The following PRKCE variants were observed in gnomAD, a reference collection of about 807,000 sequenced individuals.
PRKCE encodes the protein protein kinase C epsilon, also known as protein kinase C epsilon type.
In PRKCE, 16 loss-of-function variants were observed where a neutral mutation model predicts 85.4. The observed-to-expected ratio is 0.19, with a 90% CI of 0.13 to 0.28. PRKCE has a LOEUF of 0.28. Ranked by LOEUF, PRKCE falls within the 10% of genes least tolerant of loss-of-function variation. The pLI, the probability that PRKCE is intolerant of heterozygous loss-of-function variation, is 1.00. For missense variants in PRKCE, 573 were observed against 975.2 expected, an observed-to-expected ratio of 0.59 and a Z score of 5.49; for synonymous variants, 388 against 371.5, an observed-to-expected ratio of 1.04 and a Z score of -0.51.
chr2:45,660,770 T>C (rs1270489516), intron 1 of PRKCE, among the ~76,000 whole-genome samples: 1 of 152,202 alleles, frequency 6.6e-6, no homozygotes, highest in Non-Finnish European at 1.5e-5. Flanking sequence ...GTAATTACAA[T>C]CTATTATAAT....
chr2:46,015,405 C>T (rs1706039681), intron 10 of PRKCE, among the ~76,000 whole-genome samples: 3 of 152,030 alleles, frequency 2.0e-5, no homozygotes, highest in South Asian at 2.1e-4. Flanking sequence ...TCTACCCATC[C>T]CCCACCCTTT....
At chr2:45,781,711 C>G (rs1686205504) in intron 1 of PRKCE, among the ~76,000 whole-genome samples, 2 of 152,130 alleles carry the variant, frequency 1.3e-5, no homozygotes, top group Non-Finnish European at 2.9e-5. Flanking sequence ...GTGGTCTGAT[C>G]TCTGTGAAAT....
rs28537287 is a variant in PRKCE, at chr2:45,661,531, T to G, written c.348+9083T>G. 1.8e-3 allele frequency among the ~76,000 whole-genome samples: 177 copies of G among 97,812 alleles called. 1 individual carries two copies. Among genetic ancestry groups the G allele is most frequent in the African/African-American group, 9.1e-3 (164 of 18,032 alleles). The allele number at this position is 97,812 out of a possible 152,430, so 64.2% of individuals were successfully genotyped here. A position where few individuals can be genotyped will look rare whatever the true frequency, so the allele number is the denominator to read the frequency against. On this transcript the variant is annotated intron_variant, in intron 1 of 14. Coordinates refer to ENST00000306156, the MANE Select transcript of PRKCE (RefSeq NM_005400.3). ...GTTTTGTTTTGTTTTTTGTTTTTTG[T>G]TTTTTTTTTTTTTTTTAGAAGGAGT...
intron 6 of PRKCE, among the ~76,000 whole-genome samples, chr2:45,986,819 C>G (rs1383285739): frequency 6.6e-6 from 1 of 152,028 alleles, no homozygotes; most frequent in Non-Finnish European, 1.5e-5. Context: ...ATTCCACTTC[C>G]CCGTTGGAGT....
intron 10 of PRKCE, among the ~76,000 whole-genome samples, chr2:46,015,785 C>G (rs982939042): frequency 2.0e-5 from 3 of 151,046 alleles, no homozygotes; most frequent in Non-Finnish European, 4.4e-5. Context: ...TCTAAACGAG[C>G]TGACAGAGCC....
In PRKCE at chr2:46,177,792, A is replaced by C. The variant is rs572376568; in HGVS notation, c.2068-6943A>C. Among the ~76,000 whole-genome samples the C allele has an allele frequency of 8.5e-5, 13 of 152,344 alleles. No homozygotes were observed. The South Asian group carries it at 1.5e-3, about 17-fold the overall frequency. ...GATTGATACAACTAAGATAGTGTCAATGTTTTCTCATAGCTACTTAAGAAA... is the reference window on the plus strand; with the variant it reads ...GATTGATACAACTAAGATAGTGTCACTGTTTTCTCATAGCTACTTAAGAAA... On this transcript the variant is annotated intron_variant, in intron 14 of 14. Transcript: ENST00000306156.
At chr2:45,775,664 A>G (rs1685691193) in intron 1 of PRKCE, among the ~76,000 whole-genome samples, 1 of 152,132 alleles carries the variant, frequency 6.6e-6, no homozygotes, top group Non-Finnish European at 1.5e-5. Flanking sequence ...CTACCAGGGA[A>G]CTTGCAGTCA....
intron 1 of PRKCE, among the ~76,000 whole-genome samples, chr2:45,701,108 G>C (rs1186548014): frequency 6.6e-6 from 1 of 152,176 alleles, no homozygotes; most frequent in Non-Finnish European, 1.5e-5. Context: ...GACAGTAGAG[G>C]AAGGAAGGAC....
At chr2:45,758,993 A>G (rs1430754353) in intron 1 of PRKCE, among the ~76,000 whole-genome samples, 1 of 152,148 alleles carries the variant, frequency 6.6e-6, no homozygotes, top group Non-Finnish European at 1.5e-5. Context: ...ATCAGCACTC[A>G]TGAGATAGCA....
At chr2:46,111,928 C>T (rs1032648587) in intron 11 of PRKCE, among the ~76,000 whole-genome samples, 8 of 152,148 alleles carry the variant, frequency 5.3e-5, no homozygotes, top group Non-Finnish European at 1.2e-4. Flanking sequence ...TTCCCACCAG[C>T]AATGTATGAA....
intron 11 of PRKCE, among the ~76,000 whole-genome samples, chr2:46,088,921 T>A (rs1669898792): frequency 6.6e-6 from 1 of 152,194 alleles, no homozygotes; most frequent in Admixed American, 6.5e-5. Flanking sequence ...CTGCACACCA[T>A]GACACTTGGT....
At chr2:45,689,932 C>T (rs769781526) in intron 1 of PRKCE, among the ~76,000 whole-genome samples, 1 of 151,968 alleles carries the variant, frequency 6.6e-6, no homozygotes, top group African/African-American at 2.4e-5. Flanking sequence ...GCTTGTCTTC[C>T]CCTTATCACA....
chr2:45,673,376 T>A (rs974718925), intron 1 of PRKCE, among the ~76,000 whole-genome samples: 1 of 152,240 alleles, frequency 6.6e-6, no homozygotes, highest in African/African-American at 2.4e-5. Context: ...GACTTTTTTT[T>A]ACAGCCTTCG....
intron 2 of PRKCE, among the ~76,000 whole-genome samples, chr2:45,908,243 G>A (rs1365596873): frequency 1.3e-5 from 2 of 152,154 alleles, no homozygotes; most frequent in Non-Finnish European, 2.9e-5. Flanking sequence ...TCAGGCACAG[G>A]TTGAAGGGAA....
chr2:46,154,890 C>T (rs1201708308), intron 13 of PRKCE, among the ~76,000 whole-genome samples: 1 of 152,122 alleles, frequency 6.6e-6, no homozygotes, highest in Non-Finnish European at 1.5e-5. Context: ...GACTGAGCTT[C>T]GTGAGGGCAG....
chr2:45,694,268 T>C (rs1237344545), intron 1 of PRKCE, among the ~76,000 whole-genome samples: 1 of 151,558 alleles, frequency 6.6e-6, no homozygotes, highest in African/African-American at 2.4e-5. Context: ...GAGCTGGAAA[T>C]AGCAATTATT....
intron 2 of PRKCE, among the ~76,000 whole-genome samples, chr2:45,946,140 A>G (rs1231206347): frequency 6.6e-6 from 1 of 152,244 alleles, no homozygotes; most frequent in Non-Finnish European, 1.5e-5. Flanking sequence ...GAGTTTGCAG[A>G]ACCACTTTGT....
chr2:46,042,227 G>A (rs572363350), intron 10 of PRKCE, among the ~76,000 whole-genome samples: 10 of 152,168 alleles, frequency 6.6e-5, no homozygotes, highest in Admixed American at 2.6e-4. Context: ...GAGACAGGGA[G>A]TAACATCCAC....
Position 46,185,249 on chromosome 2 carries a change from A to C in PRKCE, c.*368A>C. 3 of 188,242 alleles carry C rather than the reference A, an allele frequency of 1.6e-5. No individual in the cohort carries two copies. The highest frequency in any genetic ancestry group is 2.2e-5 in the Non-Finnish European group (2 of 91,360). 11.7% of individuals were successfully genotyped at this position (188,242 alleles called of 1,614,324 possible). A position where few individuals can be genotyped will look rare whatever the true frequency, so the allele number is the denominator to read the frequency against. On this transcript the variant is annotated 3_prime_UTR_variant, in exon 15 of 15. Coordinates refer to ENST00000306156, the MANE Select transcript of PRKCE (RefSeq NM_005400.3). The surrounding 1 kb of genome is among the most constrained non-coding windows in gnomAD (Gnocchi z 4.7). ...AAAAAGAAAGAAAGCAAACAAGAAG[A>C]CTCCGGCTCTGCTATCGGACACAGA...
Sources: gnomAD v4.1 joint callset for allele counts (sites outside exome capture counted in the v4.1 genomes callset) on GRCh38, gnomAD v4.1.1 for gene constraint, Gnocchi (gnomAD v3.1) non-coding constraint, MANE v1.5 for transcripts, NCBI Gene and HGNC (gene_info 2026-07-23, HGNC 2026-07-21) for gene names.